UGGT2: variants seen among roughly 807,000 people sequenced by gnomAD.
UGGT2 encodes the protein UDP-glucose glycoprotein glucosyltransferase 2, also known as UDP-glucose:glycoprotein glucosyltransferase 2.
Under a neutral mutation model 192.1 loss-of-function variants are expected in UGGT2, and 180 were observed. The observed-to-expected ratio is 0.94, with a 90% CI of 0.83 to 1.06. The LOEUF is 1.06. Among genes scored for constraint, UGGT2 ranks in the 50% least tolerant of loss-of-function variants. The pLI is 0.00. For synonymous variants in UGGT2, 580 were observed against 591.0 expected, an observed-to-expected ratio of 0.98 and a Z score of 0.27; for missense variants, 1,849 against 1,795.7, an observed-to-expected ratio of 1.03 and a Z score of -0.54.
intron 32 of UGGT2, 54 bp downstream of exon 32, chr13:95,860,734 T>C (rs1890082916): frequency 1.7e-6 from 2 of 1,201,198 alleles, no homozygotes; most frequent in Non-Finnish European, 2.3e-6. Flanking sequence ...TTTTTGAAAT[T>C]TGAACCATGT....
intron 2 of UGGT2, among the ~76,000 whole-genome samples, chr13:96,027,808 G>C (rs940213276): frequency 2.0e-5 from 3 of 152,184 alleles, no homozygotes; most frequent in African/African-American, 4.8e-5. Context: ...TACTATACCA[G>C]TGAAATGGTT....
Position 95,925,684 on chromosome 13 carries a change from T to A in UGGT2, c.2291A>T (p.His764Leu). The A allele has an allele frequency of 6.5e-7, 1 of 1,537,002 alleles. No homozygotes were observed. Among genetic ancestry groups the A allele is most frequent in the Non-Finnish European group, 8.8e-7 (1 of 1,137,848 alleles). ...GRKLLFNALK[H>L]MKTSVHSRLG... ...TAAGAATATCTAGGTACTCACCATG[T>A]GCTTTAATGCATTAAAAAGAAGTTT... Residue 764 changes from histidine (H) to leucine (L), a missense_variant, in exon 20 of 39, where the codon CAC (histidine) becomes CTC (leucine). By Grantham distance (99) the His-to-Leu change is moderately conservative. Transcript: ENST00000376747.
At chr13:96,044,705 G>A (rs751950353) in intron 1 of UGGT2, among the ~76,000 whole-genome samples, 1 of 152,106 alleles carries the variant, frequency 6.6e-6, no homozygotes, top group Non-Finnish European at 1.5e-5. Flanking sequence ...GATCATTCAA[G>A]GCTACCATGA....
intron 29 of UGGT2, among the ~76,000 whole-genome samples, chr13:95,872,954 C>T (rs1038855215): frequency 1.3e-5 from 2 of 152,124 alleles, no homozygotes; most frequent in African/African-American, 4.8e-5. Context: ...CTTAGCAAAA[C>T]CCCACAAGGG....
intron 12 of UGGT2, among the ~76,000 whole-genome samples, chr13:95,956,267 T>C (rs1205293800): frequency 6.6e-6 from 1 of 152,120 alleles, no homozygotes; most frequent in African/African-American, 2.4e-5. Flanking sequence ...GCATTTATGA[T>C]CAACTGATAT....
chr13:95,943,127 C>A (rs1313852588), intron 15 of UGGT2, among the ~76,000 whole-genome samples: 1 of 152,018 alleles, frequency 6.6e-6, no homozygotes, highest in East Asian at 1.9e-4. Flanking sequence ...CATCTTATTA[C>A]CTGGTATGAC....
chr13:95,825,788 T>G (rs1236473627), intron 38 of UGGT2, among the ~76,000 whole-genome samples: 2 of 152,190 alleles, frequency 1.3e-5, no homozygotes, highest in African/African-American at 4.8e-5. Flanking sequence ...ATTATGTCTC[T>G]GCTGAAAGAA....
At chr13:95,915,074 T>C (rs563724524) in intron 20 of UGGT2, among the ~76,000 whole-genome samples, 16 of 152,322 alleles carry the variant, frequency 1.1e-4, no homozygotes, top group Admixed American at 3.9e-4. Context: ...TTCTCCTTGC[T>C]GTGTTCTAGC....
chr13:95,986,790 A>G (rs1425223160), intron 8 of UGGT2, among the ~76,000 whole-genome samples: 1 of 152,094 alleles, frequency 6.6e-6, no homozygotes, highest in Non-Finnish European at 1.5e-5. Flanking sequence ...AGCTTTAAAG[A>G]GCCAATTCTG....
intron 26 of UGGT2, among the ~76,000 whole-genome samples, chr13:95,885,057 C>A (rs1048767599): frequency 5.9e-5 from 9 of 152,086 alleles, no homozygotes; most frequent in Admixed American, 1.3e-4. Flanking sequence ...ACTTTTACCA[C>A]CACTAATAAT....
chr13:96,049,518 A>C (rs570016637), intron 1 of UGGT2, among the ~76,000 whole-genome samples: 1 of 152,338 alleles, frequency 6.6e-6, no homozygotes, highest in South Asian at 2.1e-4. Context: ...GTATTCAATT[A>C]GGAAAAGAGG....
chr13:95,923,413 G>A (rs1482408491), intron 20 of UGGT2, among the ~76,000 whole-genome samples: 1 of 143,232 alleles, frequency 7.0e-6, no homozygotes, highest in Non-Finnish European at 1.5e-5. Flanking sequence ...CTGTCAACCA[G>A]GCTGAAGTGC....
At chr13:95,993,203 C>G (rs899555264) in intron 7 of UGGT2, among the ~76,000 whole-genome samples, 1 of 152,012 alleles carries the variant, frequency 6.6e-6, no homozygotes, top group Non-Finnish European at 1.5e-5. Flanking sequence ...TGGGTATACA[C>G]GAACATAAAG....
At chr13:96,041,672 C>A (rs184410779) in intron 1 of UGGT2, among the ~76,000 whole-genome samples, 1 of 152,318 alleles carries the variant, frequency 6.6e-6, no homozygotes, top group African/African-American at 2.4e-5. Flanking sequence ...AGACTCAGTG[C>A]TGTTGGGTGG....
chr13:95,826,395 A>C (rs2139831346), intron 38 of UGGT2, among the ~76,000 whole-genome samples: 1 of 152,284 alleles, frequency 6.6e-6, no homozygotes, highest in South Asian at 2.1e-4. Context: ...AAACAGTGTG[A>C]TGTACAATGA....
intron 13 of UGGT2, among the ~76,000 whole-genome samples, chr13:95,949,087 A>G (rs1412249937): frequency 6.6e-6 from 1 of 152,082 alleles, no homozygotes; most frequent in Non-Finnish European, 1.5e-5. Flanking sequence ...TGGGGAGTCA[A>G]TTATACCTCT....
At chr13:95,961,246 C>T (rs1460335540) in intron 12 of UGGT2, among the ~76,000 whole-genome samples, 1 of 152,044 alleles carries the variant, frequency 6.6e-6, no homozygotes, top group Non-Finnish European at 1.5e-5. Context: ...AATAAGTCCT[C>T]ACATATCAAT....
intron 38 of UGGT2, among the ~76,000 whole-genome samples, chr13:95,807,715 C>CTTTTTTTTTTTTTTTTTTTTTTTTTTT (rs200081851): frequency 2.1e-5 from 1 of 48,040 alleles, no homozygotes; most frequent in Non-Finnish European, 4.2e-5. Context: ...TCAGCCCTCA[C>CTTTTTTTTTTTTTTTTTTTTTTTTTTT]CTTTTTTTTT....
chr13:95,925,548 A>T, intron 20 of UGGT2, 132 bp downstream of exon 20: 1 of 624,798 alleles, frequency 1.6e-6, no homozygotes, highest in Non-Finnish European at 2.5e-6. Context: ...CATGAAGACT[A>T]AATCTGAATT....
Sources: allele counts gnomAD v4.1 joint callset (sites outside exome capture counted in the v4.1 genomes callset), GRCh38; gene constraint gnomAD v4.1.1; transcripts MANE v1.5; gene names NCBI Gene and HGNC (gene_info 2026-07-23, HGNC 2026-07-21).